IL1RAPL2: variants seen among roughly 807,000 people sequenced by gnomAD.
IL1RAPL2 encodes the protein X-linked interleukin-1 receptor accessory protein-like 2.
A neutral mutation model predicts 44.1 loss-of-function variants in IL1RAPL2; 3 were observed. The observed-to-expected ratio is 0.07, with a 90% CI of 0.03 to 0.18. IL1RAPL2 has a LOEUF of 0.18. Among genes scored for constraint, IL1RAPL2 ranks in the 10% least tolerant of loss-of-function variants. The pLI, the probability that IL1RAPL2 is intolerant of heterozygous loss-of-function variation, is 1.00. For missense variants in IL1RAPL2, 391 were observed against 496.4 expected (o/e 0.79, Z 2.02); for synonymous variants, 181 against 178.8 (o/e 1.01, Z -0.10).
intron 2 of IL1RAPL2, among the ~76,000 whole-genome samples, chrX:105,144,545 G>A (rs1396260380): frequency 9.0e-6 from 1 of 111,197 alleles, no homozygotes; most frequent in African/African-American, 3.3e-5. Context: ...CTAGGCCTTA[G>A]TAACTATCTT....
At chrX:104,640,731 T>C (rs188520384) in intron 1 of IL1RAPL2, among the ~76,000 whole-genome samples, 1 of 112,318 alleles carries the variant, frequency 8.9e-6, no homozygotes, top group East Asian at 2.8e-4. Flanking sequence ...TGCAGTAGTG[T>C]AGTAATCTCC....
intron 1 of IL1RAPL2, among the ~76,000 whole-genome samples, chrX:104,614,971 G>A: frequency 9.0e-6 from 1 of 111,061 alleles, no homozygotes; most frequent in East Asian, 2.8e-4. Flanking sequence ...GGGGCATTTA[G>A]GCCATTTGCA....
intron 2 of IL1RAPL2, among the ~76,000 whole-genome samples, chrX:104,855,767 C>T (rs758812199): frequency 2.9e-5 from 3 of 103,134 alleles, no homozygotes; most frequent in South Asian, 9.3e-4. Flanking sequence ...TGGACCCAAG[C>T]GATCCTCCTG....
At chrX:105,766,603 T>C (rs2038731928) in intron 10 of IL1RAPL2, among the ~76,000 whole-genome samples, 2 of 111,222 alleles carry the variant, frequency 1.8e-5, no homozygotes, top group South Asian at 3.8e-4. Flanking sequence ...ATTAAAAGGA[T>C]CCATTTCTCT....
At chrX:104,636,222 A>G (rs1366671636) in intron 1 of IL1RAPL2, among the ~76,000 whole-genome samples, 1 of 111,323 alleles carries the variant, frequency 9.0e-6, no homozygotes, top group East Asian at 2.9e-4. Context: ...TCAGAGGAGT[A>G]CCCGGGCATG....
intron 6 of IL1RAPL2, among the ~76,000 whole-genome samples, chrX:105,640,749 TATAGATATAG>T (rs2037562534): frequency 3.8e-4 from 2 of 5,266 alleles, no homozygotes; most frequent in Admixed American, 2.5e-3. Context: ...TATAGATAGA[TATAGATATAG>T]ATATAGATAT....
intron 6 of IL1RAPL2, among the ~76,000 whole-genome samples, chrX:105,716,909 C>T (rs1602536777): frequency 9.0e-6 from 1 of 111,674 alleles, no homozygotes; most frequent in African/African-American, 3.2e-5. Context: ...TTGATTTTTT[C>T]GTATTATTTC....
intron 2 of IL1RAPL2, among the ~76,000 whole-genome samples, chrX:104,844,016 T>A (rs1365973582): frequency 9.0e-6 from 1 of 110,746 alleles, no homozygotes; most frequent in African/African-American, 3.3e-5. Flanking sequence ...ATAGCTTTTA[T>A]TCCCACTATA....
chrX:105,201,036 C>T (rs1488822043), intron 3 of IL1RAPL2, among the ~76,000 whole-genome samples: 2 of 111,343 alleles, frequency 1.8e-5, no homozygotes, highest in African/African-American at 6.5e-5. Context: ...TTATTATGAC[C>T]ATTTACCTCT....
chrX:104,575,881 C>CA (rs777865580), intron 1 of IL1RAPL2, among the ~76,000 whole-genome samples: 188 of 111,939 alleles, frequency 1.7e-3, no homozygotes, highest in Middle Eastern at 0.014. Flanking sequence ...AAAACCAGAT[C>CA]AGGGCCCAGA....
intron 6 of IL1RAPL2, among the ~76,000 whole-genome samples, chrX:105,581,016 G>C (rs1300889653): frequency 9.0e-6 from 1 of 110,654 alleles, no homozygotes; most frequent in African/African-American, 3.3e-5. Context: ...GAAGTAGTTG[G>C]AAGTCCCTGG....
chrX:105,246,187 T>C (rs1357826466), intron 4 of IL1RAPL2, among the ~76,000 whole-genome samples: 2 of 112,583 alleles, frequency 1.8e-5, no homozygotes, highest in Non-Finnish European at 3.8e-5. Flanking sequence ...TAATCAATAG[T>C]GTCTTTGTCT....
At chrX:104,967,739 A>G (rs897633769) in intron 2 of IL1RAPL2, among the ~76,000 whole-genome samples, 7 of 111,393 alleles carry the variant, frequency 6.3e-5, no homozygotes, top group Admixed American at 1.9e-4. Context: ...CTAGATATGA[A>G]GTAACAAATA....
At chrX:105,722,476 C>G (rs2038313776) in intron 7 of IL1RAPL2, among the ~76,000 whole-genome samples, 1 of 111,428 alleles carries the variant, frequency 9.0e-6, no homozygotes, top group African/African-American at 3.3e-5. Context: ...TTATACAGCA[C>G]AGCAAATTGG....
chrX:105,555,021 T>TG (rs1242102789), intron 6 of IL1RAPL2, among the ~76,000 whole-genome samples: 3 of 110,486 alleles, frequency 2.7e-5, no homozygotes, highest in Non-Finnish European at 5.7e-5. Context: ...CTCAAACATT[T>TG]TCAAGCCTTG....
intron 1 of IL1RAPL2, among the ~76,000 whole-genome samples, chrX:104,658,574 C>T (rs184463073): frequency 2.1e-3 from 234 of 112,179 alleles, no homozygotes; most frequent in Non-Finnish European, 3.8e-3. Context: ...TGTGACAAAC[C>T]TGCACGTTGT....
intron 6 of IL1RAPL2, among the ~76,000 whole-genome samples, chrX:105,693,321 G>A (rs755211455): frequency 2.7e-5 from 3 of 111,612 alleles, no homozygotes; most frequent in Admixed American, 9.5e-5. Context: ...CAGGTACTTG[G>A]GTCATGGGGG....
At chrX:105,034,846 C>A (rs1216032266) in intron 2 of IL1RAPL2, among the ~76,000 whole-genome samples, 1 of 112,294 alleles carries the variant, frequency 8.9e-6, no homozygotes, top group Admixed American at 9.4e-5. Context: ...AGTGGTGGAG[C>A]CTACAGAATC....
At chrX:105,439,211 A>C (rs1847935806) in intron 5 of IL1RAPL2, among the ~76,000 whole-genome samples, 1 of 111,362 alleles carries the variant, frequency 9.0e-6, no homozygotes, top group Non-Finnish European at 1.9e-5. Context: ...GGACTAATAT[A>C]GTGTTCCTAC....
Sources: allele counts gnomAD v4.1 joint callset (sites outside exome capture counted in the v4.1 genomes callset), GRCh38; gene constraint gnomAD v4.1.1; transcripts MANE v1.5; gene names NCBI Gene and HGNC (gene_info 2026-07-23, HGNC 2026-07-21).